The following ARHGDIB variants were observed in gnomAD, a reference collection of about 807,000 sequenced individuals.
ARHGDIB encodes Rho GDP dissociation inhibitor beta, also known as rho GDP-dissociation inhibitor 2.
A neutral mutation model predicts 22.6 loss-of-function variants in ARHGDIB; 20 were observed. The ratio of observed to expected loss-of-function variants is 0.88; its 90% CI spans 0.62 to 1.28. The LOEUF (loss-of-function observed/expected upper bound fraction) is 1.28. Ranked by LOEUF, ARHGDIB falls within the 50% of genes most tolerant of loss-of-function variation. The pLI is 0.00. For missense variants in ARHGDIB, 254 were observed against 245.4 expected (o/e 1.04, Z -0.23); for synonymous variants, 114 against 96.1 (o/e 1.19, Z -1.09).
chr12:14,961,544 G>A lies in ARHGDIB; in HGVS notation c.-20C>T, dbSNP rs951358344. Reference sequence around the variant, plus strand: ...CGAGGTATTTGAACTTACATTCAGTGCTTCACGTCTCTGTCCGGGGTGCCT... The same window carrying A: ...CGAGGTATTTGAACTTACATTCAGTACTTCACGTCTCTGTCCGGGGTGCCT... On this transcript the variant is annotated 5_prime_UTR_variant, in exon 1 of 6. Transcript: ENST00000228945. 6.6e-6 allele frequency: 1 copy of A among 152,240 alleles called. No individual in the cohort carries two copies. The highest frequency in any genetic ancestry group is 1.5e-5 in the Non-Finnish European group (1 of 68,076). 9.4% of individuals were successfully genotyped at this position (152,240 alleles called of 1,614,324 possible).
chr12:14,960,914 A>G (rs1311319815), intron 1 of ARHGDIB, among the ~76,000 whole-genome samples: 1 of 152,222 alleles, frequency 6.6e-6, no homozygotes. Flanking sequence ...TCATGAGTAC[A>G]TAACAATGTG....
chr12:14,950,426 C>T, intron 2 of ARHGDIB, 106 bp downstream of exon 2: 5 of 976,962 alleles, frequency 5.1e-6, no homozygotes, highest in Non-Finnish European at 6.1e-6. Context: ...TCACTTTTTC[C>T]TGGAAGCAGT....
At chr12:14,949,592 C>T (rs1565461499) in intron 3 of ARHGDIB, among the ~76,000 whole-genome samples, 1 of 152,188 alleles carries the variant, frequency 6.6e-6, no homozygotes, top group Admixed American at 6.5e-5. Flanking sequence ...TGTATGCCTG[C>T]ACTCTCTTCA....
intron 1 of ARHGDIB, 46 bp downstream of exon 1, chr12:14,961,491 T>C (rs1351861788): frequency 6.6e-6 from 1 of 152,272 alleles, no homozygotes; most frequent in Non-Finnish European, 1.5e-5. Flanking sequence ...CCGACTTTGC[T>C]CTGTGCCCAC....
chr12:14,956,506 T>C (rs1864304183), intron 1 of ARHGDIB, among the ~76,000 whole-genome samples: 1 of 152,216 alleles, frequency 6.6e-6, no homozygotes, highest in Admixed American at 6.5e-5. Context: ...TGGGCTTTCC[T>C]CACCTTCCTC....
chr12:14,947,902 A>G lies in ARHGDIB; in HGVS notation c.313T>C (p.Ser105Pro). 3 of 1,613,332 alleles carry G rather than the reference A, an allele frequency of 1.9e-6. No homozygotes were observed. The highest frequency in any genetic ancestry group is 2.2e-5 in the South Asian group (2 of 91,064). Residue 105 changes from serine (S) to proline (P), a missense_variant, in exon 4 of 6, where the codon TCT becomes CCT. Ser to Pro is a moderately conservative substitution (Grantham distance 74). Coordinates refer to ENST00000228945, the MANE Select transcript of ARHGDIB (RefSeq NM_001175.7). Reference protein sequence around the residue: ...KKETIVLKEGSEYRVKIHFKV... With the variant: ...KKETIVLKEGPEYRVKIHFKV... ...AAGTGAATTTTGACTCTATATTCAG[A>G]ACCTTCCTTTAACACAATGGTTTCC... is the stretch of plus-strand genomic sequence containing the variant.
chr12:14,948,099 TGC>T, intron 3 of ARHGDIB, 150 bp from the exon 4 acceptor site: 1 of 309,762 alleles, frequency 3.2e-6, no homozygotes, highest in Non-Finnish European at 6.1e-6. Context: ...GTTTAGTCCT[TGC>T]ACACACACAC....
chr12:14,942,626 CCAGCATGCCCTTGGGAGCCTCCT>C lies in ARHGDIB; in HGVS notation c.479_501del (p.Glu160GlyfsTer15), dbSNP rs770609750. 8.1e-6 allele frequency: 13 copies of C among 1,614,034 alleles called. No individual in the cohort carries two copies. Among genetic ancestry groups the C allele is most frequent in the Non-Finnish European group, 1.0e-5 (12 of 1,180,010 alleles). ...GACTTGTTGTGGTACGTGCCTCGCG[CCAGCATGCCCTTGGGAGCCTCCT>C]CAACTGGAGTGAGGAACTCATACTC... On this transcript the variant is annotated frameshift_variant, in exon 6 of 6. Transcript: ENST00000228945. LOFTEE classifies it high-confidence loss of function.
At chr12:14,942,796 G>T in intron 5 of ARHGDIB, 75 bp from the exon 6 acceptor site, 1 of 1,308,846 alleles carries the variant, frequency 7.6e-7, no homozygotes, top group South Asian at 1.2e-5. Context: ...GGAGAATCTG[G>T]ACTACAGCCT....
At chr12:14,944,001 G>T (rs933015655) in intron 5 of ARHGDIB, among the ~76,000 whole-genome samples, 1 of 151,910 alleles carries the variant, frequency 6.6e-6, no homozygotes, top group Non-Finnish European at 1.5e-5. Context: ...AAATTGACTG[G>T]TCCTCTATGT....
chr12:14,955,377 C>T (rs568013051), intron 1 of ARHGDIB, among the ~76,000 whole-genome samples: 16 of 152,242 alleles, frequency 1.1e-4, no homozygotes, highest in African/African-American at 2.6e-4. Context: ...ATGAGACATT[C>T]GCAATGCATG....
intron 4 of ARHGDIB, among the ~76,000 whole-genome samples, chr12:14,946,748 T>C (rs1864024655): frequency 6.6e-6 from 1 of 152,220 alleles, no homozygotes; most frequent in South Asian, 2.1e-4. Flanking sequence ...AATTTACCTG[T>C]CACATTTCAT....
At chr12:14,953,446 G>C (rs1864226931) in intron 1 of ARHGDIB, among the ~76,000 whole-genome samples, 1 of 152,142 alleles carries the variant, frequency 6.6e-6, no homozygotes, top group Non-Finnish European at 1.5e-5. Flanking sequence ...AGCACCCACT[G>C]TTTACAAGAC....
At chr12:14,943,203 C>G (rs568331670) in intron 5 of ARHGDIB, among the ~76,000 whole-genome samples, 2 of 152,234 alleles carry the variant, frequency 1.3e-5, no homozygotes, top group African/African-American at 4.8e-5. Flanking sequence ...TTCTTTAAAA[C>G]ATTTTTTAAG....
At chr12:14,943,025 T>A (rs1235987668) in intron 5 of ARHGDIB, among the ~76,000 whole-genome samples, 1 of 152,060 alleles carries the variant, frequency 6.6e-6, no homozygotes, top group Non-Finnish European at 1.5e-5. Flanking sequence ...TGCGCCACCA[T>A]GCTTGGCTAA....
At chr12:14,952,759 A>G (rs528063874) in intron 1 of ARHGDIB, among the ~76,000 whole-genome samples, 14 of 152,328 alleles carry the variant, frequency 9.2e-5, no homozygotes, top group South Asian at 8.3e-4. Context: ...CTGACCGAGC[A>G]TCGGAACAAC....
In ARHGDIB at chr12:14,960,205, C is replaced by A. The variant is rs114339332; in HGVS notation, c.-13+1332G>T. 6.2e-3 allele frequency among the ~76,000 whole-genome samples: 949 copies of A among 152,296 alleles called. 10 individuals carry two copies. Among genetic ancestry groups the A allele is most frequent in the African/African-American group, 0.022 (913 of 41,566 alleles). On this transcript the variant is annotated intron_variant, in intron 1 of 5. Transcript: ENST00000228945. ...TCCCCACTCTGAATGAAGAACTGCCCAGGGCTTGCCAGACACACACCTCAA... is the reference window on the plus strand; with the variant it reads ...TCCCCACTCTGAATGAAGAACTGCCAAGGGCTTGCCAGACACACACCTCAA...
intron 5 of ARHGDIB, 107 bp from the exon 6 acceptor site, chr12:14,942,828 A>T: frequency 1.0e-6 from 1 of 953,756 alleles, no homozygotes; most frequent in Non-Finnish European, 1.6e-6. Flanking sequence ...AGTCAAGAGC[A>T]ATGGTTTCCA....
intron 3 of ARHGDIB, among the ~76,000 whole-genome samples, chr12:14,948,563 G>C (rs1592289072): frequency 6.6e-6 from 1 of 152,184 alleles, no homozygotes; most frequent in Non-Finnish European, 1.5e-5. Flanking sequence ...AAAGCTTCAG[G>C]TTCCATAAAA....
Sources: gnomAD v4.1 joint callset for allele counts (sites outside exome capture counted in the v4.1 genomes callset) on GRCh38, gnomAD v4.1.1 for gene constraint, MANE v1.5 for transcripts, NCBI Gene and HGNC (gene_info 2026-07-23, HGNC 2026-07-21) for gene names.